The following GALNT13 variants were observed in gnomAD, a reference collection of about 807,000 sequenced individuals.
GALNT13 encodes UDP-GalNAc:polypeptide N-acetylgalactosaminyltransferase 13.
A neutral mutation model predicts 64.2 loss-of-function variants in GALNT13; 28 were observed. That is an observed-to-expected ratio of 0.44 (90% CI 0.32 to 0.60). The LOEUF is 0.60. Among genes scored for constraint, GALNT13 ranks in the 20% least tolerant of loss-of-function variants. The pLI, the probability that GALNT13 is intolerant of heterozygous loss-of-function variation, is 0.05. For synonymous variants in GALNT13, 214 were observed against 224.6 expected, an observed-to-expected ratio of 0.95 and a Z score of 0.42; for missense variants, 577 against 669.8, an observed-to-expected ratio of 0.86 and a Z score of 1.53.
chr2:154,154,869 A>G (rs1197493721), intron 4 of GALNT13, among the ~76,000 whole-genome samples: 1 of 151,928 alleles, frequency 6.6e-6, no homozygotes, highest in Non-Finnish European at 1.5e-5. Flanking sequence ...AGGGAAGTCA[A>G]AATATGACTT....
intron 9 of GALNT13, among the ~76,000 whole-genome samples, chr2:154,346,237 T>C (rs186743411): frequency 1.3e-5 from 2 of 152,152 alleles, no homozygotes; most frequent in Admixed American, 1.3e-4. Flanking sequence ...TGTATTTATT[T>C]TAAATAAGAG....
intron 2 of GALNT13, among the ~76,000 whole-genome samples, chr2:153,941,317 G>C (rs1574163567): frequency 6.6e-6 from 1 of 152,138 alleles, no homozygotes; most frequent in Non-Finnish European, 1.5e-5. Flanking sequence ...TTTTAATAAA[G>C]ATAGGAAATA....
At chr2:154,234,323 T>C (rs540109883) in intron 4 of GALNT13, among the ~76,000 whole-genome samples, 1 of 152,308 alleles carries the variant, frequency 6.6e-6, no homozygotes, top group East Asian at 1.9e-4. Flanking sequence ...TACATTCATA[T>C]CATTCCATTA....
At chr2:153,358,449 A>G in the GALNT13 span, among the ~76,000 whole-genome samples, 2 of 152,182 alleles carry the variant, frequency 1.3e-5, no homozygotes, top group African/African-American at 4.8e-5. Flanking sequence ...GCTAAGGACT[A>G]AGGTTACCTC....
At chr2:153,450,003 T>C in the GALNT13 span, among the ~76,000 whole-genome samples, 1 of 152,204 alleles carries the variant, frequency 6.6e-6, no homozygotes, top group African/African-American at 2.4e-5. Flanking sequence ...GAAAACAGTT[T>C]TCTGTAGTAA....
At chr2:153,227,788 A>G in the GALNT13 span, among the ~76,000 whole-genome samples, 459 of 152,348 alleles carry the variant, frequency 3.0e-3, 1 homozygote, top group African/African-American at 0.01. Context: ...TTAATAAAAA[A>G]TTCTGGATGA....
At chr2:153,442,597 AT>A in the GALNT13 span, among the ~76,000 whole-genome samples, 1 of 152,088 alleles carries the variant, frequency 6.6e-6, no homozygotes, top group East Asian at 1.9e-4. Context: ...TGGTTGATAA[AT>A]TACTGCCTTA....
chr2:154,198,472 C>T (rs1000062111), intron 4 of GALNT13, among the ~76,000 whole-genome samples: 16 of 151,832 alleles, frequency 1.1e-4, no homozygotes, highest in Non-Finnish European at 2.1e-4. Context: ...TAGGTACATT[C>T]ATAATGATTG....
At chr2:153,405,762 T>C in the GALNT13 span, among the ~76,000 whole-genome samples, 1 of 152,154 alleles carries the variant, frequency 6.6e-6, no homozygotes, top group African/African-American at 2.4e-5. Flanking sequence ...TTATTGCTAT[T>C]ATAAGCTGAT....
the GALNT13 span, among the ~76,000 whole-genome samples, chr2:153,563,478 T>C: frequency 3.9e-5 from 6 of 152,142 alleles, no homozygotes; most frequent in Non-Finnish European, 8.8e-5. Flanking sequence ...TCATTTCTTT[T>C]GTACATATTG....
rs374268836 is a variant in GALNT13, at chr2:154,432,001, A to G, written c.1396-6591A>G. On this transcript the variant is annotated intron_variant, in intron 11 of 12. Coordinates refer to ENST00000392825, the MANE Select transcript of GALNT13 (RefSeq NM_052917.4). ...CTTATAGCAGTGTGAGAACGGACTA[A>G]AACATCATCTATGAAAAGAAAAATA... 1.5e-4 allele frequency among the ~76,000 whole-genome samples: 23 copies of G among 152,316 alleles called. No homozygotes were observed. The East Asian group carries it at 2.7e-3, about 18-fold the overall frequency.
At chr2:153,444,697 A>G in the GALNT13 span, among the ~76,000 whole-genome samples, 7 of 152,240 alleles carry the variant, frequency 4.6e-5, no homozygotes, top group Non-Finnish European at 8.8e-5. Flanking sequence ...ATCATTCAAT[A>G]TGTAGCATTT....
the GALNT13 span, among the ~76,000 whole-genome samples, chr2:153,708,376 G>A: frequency 2.6e-5 from 4 of 152,092 alleles, no homozygotes; most frequent in Non-Finnish European, 4.4e-5. Flanking sequence ...TTATGACAGG[G>A]TGTAAAATAA....
chr2:153,556,957 T>A, the GALNT13 span, among the ~76,000 whole-genome samples: 19 of 152,214 alleles, frequency 1.2e-4, no homozygotes, highest in African/African-American at 4.6e-4. Flanking sequence ...TAAGATATCC[T>A]AAATTCAGTG....
At chr2:153,598,090 C>T in the GALNT13 span, among the ~76,000 whole-genome samples, 16 of 152,114 alleles carry the variant, frequency 1.1e-4, no homozygotes, top group Admixed American at 7.9e-4. Flanking sequence ...TACCAGTACC[C>T]GTGCATGTGT....
chr2:153,578,565 A>G, the GALNT13 span, among the ~76,000 whole-genome samples: 2 of 152,230 alleles, frequency 1.3e-5, no homozygotes, highest in Non-Finnish European at 2.9e-5. Context: ...AAAGGTGGAA[A>G]TAAAGAGCGT....
intron 4 of GALNT13, among the ~76,000 whole-genome samples, chr2:154,160,307 A>T (rs1209930857): frequency 1.3e-5 from 2 of 152,074 alleles, no homozygotes; most frequent in African/African-American, 4.8e-5. Context: ...CTCCCACCTG[A>T]TTTCTTTCAG....
chr2:153,577,257 C>T, the GALNT13 span, among the ~76,000 whole-genome samples: 1 of 152,064 alleles, frequency 6.6e-6, no homozygotes, highest in South Asian at 2.1e-4. Flanking sequence ...TTGACTTATA[C>T]TAAATTTTAG....
At chr2:154,205,364 G>A (rs770568474) in intron 4 of GALNT13, among the ~76,000 whole-genome samples, 1 of 152,044 alleles carries the variant, frequency 6.6e-6, no homozygotes, top group Non-Finnish European at 1.5e-5. Flanking sequence ...CTAGTTATTC[G>A]AGGGTACTGA....
Sources: gnomAD v4.1 joint callset for allele counts (sites outside exome capture counted in the v4.1 genomes callset) on GRCh38, gnomAD v4.1.1 for gene constraint, MANE v1.5 for transcripts, NCBI Gene and HGNC (gene_info 2026-07-23, HGNC 2026-07-21) for gene names.